The following P2RX1 variants were observed in gnomAD, a reference collection of about 807,000 sequenced individuals.
P2RX1 encodes P2X purinoceptor 1.
A neutral mutation model predicts 50.3 loss-of-function variants in P2RX1; 42 were observed. The ratio of observed to expected loss-of-function variants is 0.83; its 90% CI spans 0.65 to 1.08. P2RX1 has a LOEUF of 1.08. Among genes scored for constraint, P2RX1 ranks in the 50% least tolerant of loss-of-function variants. The pLI is 0.00. For missense variants in P2RX1, 449 were observed against 529.0 expected (o/e 0.85, Z 1.48); for synonymous variants, 199 against 202.6 (o/e 0.98, Z 0.15).
chr17:3,903,124 G>A lies in P2RX1; in HGVS notation c.747+78C>T. ...AGCCCTCACCGAGGAGACTTGGGAA[G>A]ATGAACTGGGCCTAAAAAGCCTTTA... On this transcript the variant is annotated intron_variant, in intron 7 of 11. Transcript: ENST00000225538. The surrounding 1 kb of genome is among the most constrained non-coding windows in gnomAD (Gnocchi z 4.6). 1.9e-6 allele frequency: 3 copies of A among 1,595,156 alleles called. No individual in the cohort carries two copies. The highest frequency in any genetic ancestry group is 2.2e-5 in the South Asian group (2 of 90,170).
At chr17:3,902,770 G>A (rs2056174733) in intron 7 of P2RX1, among the ~76,000 whole-genome samples, 1 of 151,538 alleles carries the variant, frequency 6.6e-6, no homozygotes, top group Non-Finnish European at 1.5e-5. Flanking sequence ...ACCATGCCTG[G>A]CTAATTTTTG....
At chr17:3,904,582 C>G (rs963356005) in intron 3 of P2RX1, 183 bp from the exon 4 acceptor site, 7 of 661,102 alleles carry the variant, frequency 1.1e-5, no homozygotes, top group Non-Finnish European at 1.6e-5. Context: ...AGGCGCCCCC[C>G]GGGCTCATGC....
intron 7 of P2RX1, among the ~76,000 whole-genome samples, chr17:3,900,410 C>A (rs1046802928): frequency 1.3e-5 from 2 of 152,144 alleles, no homozygotes; most frequent in Non-Finnish European, 2.9e-5. Flanking sequence ...GCCGAGATCA[C>A]ACCACTGCAC....
intron 1 of P2RX1, among the ~76,000 whole-genome samples, chr17:3,911,253 G>A (rs1411704827): frequency 6.6e-6 from 1 of 151,924 alleles, no homozygotes; most frequent in Non-Finnish European, 1.5e-5. Flanking sequence ...CTCCCAAAGT[G>A]CTGGGTTTAC....
chr17:3,915,444 C>G, intron 1 of P2RX1: 1 of 456,472 alleles, frequency 2.2e-6, no homozygotes, highest in Non-Finnish European at 4.4e-6. Flanking sequence ...ACTGCAGGAG[C>G]GTCCCACGCT....
At position 3,905,310 on chromosome 17, in the gene P2RX1, G is replaced by T; in HGVS notation, c.195C>A (p.Val65=). 6.2e-7 allele frequency: 1 copy of T among 1,613,996 alleles called. No individual in the cohort carries two copies. Among genetic ancestry groups the T allele is most frequent in the African/African-American group, 1.3e-5 (1 of 75,068 alleles). Residue 65 remains valine (V), a synonymous_variant, in exon 2 of 12, where the codon GTC becomes GTA. Coordinates refer to ENST00000225538, the MANE Select transcript of P2RX1 (RefSeq NM_002558.4). ...YQTSSGLISS[V]SVKLKGLAVT... The stretch of plus-strand genomic sequence containing the variant: ...CGGCCAGGCCCTTGAGTTTCACAGA[G>T]ACACTGCTGATGAGGCCGCTCGAGG...
chr17:3,907,050 A>T (rs1240919726), intron 1 of P2RX1, among the ~76,000 whole-genome samples: 1 of 152,214 alleles, frequency 6.6e-6, no homozygotes, highest in East Asian at 1.9e-4. Context: ...GCCAGGAGAT[A>T]GAGAGGGGCA....
rs921786137 is a variant in P2RX1 at position 3,904,155 on chromosome 17, G to T, written c.428-131C>A. ...AAGGACAGAAACGTGGCTGGGTCCC[G>T]GACGGGCAGGCCAAGCCAGGGCGGA... On this transcript the variant is annotated intron_variant, in intron 4 of 11. Transcript: ENST00000225538. 5 of 1,008,578 alleles carry T rather than the reference G, an allele frequency of 5.0e-6. No individual in the cohort carries two copies. In the African/African-American group the frequency reaches 6.3e-5, roughly 13 times the overall value. 62.5% of individuals were successfully genotyped at this position (1,008,578 alleles called of 1,614,324 possible).
At chr17:3,901,340 T>G (rs544416260) in intron 7 of P2RX1, among the ~76,000 whole-genome samples, 1 of 152,344 alleles carries the variant, frequency 6.6e-6, no homozygotes, top group East Asian at 1.9e-4. Flanking sequence ...GTGCTGGGAT[T>G]ACAGGCGTGA....
In P2RX1 at chr17:3,916,145, C is replaced by T; in HGVS notation, c.81G>A (p.Lys27=). Residue 27 remains lysine, a synonymous_variant, in exon 1 of 12, where the codon AAG becomes AAA. Transcript: ENST00000225538. ...TCAGTCGGAAGATAACGCCCACCTT[C>T]TTATTACGCACCAGCACCATGCGGG... The part of the protein sequence containing the change: ...DTPRMVLVRN[K]KVGVIFRLIQ... The T allele has an allele frequency of 6.2e-7, 1 of 1,613,694 alleles. No homozygotes were observed. The highest frequency in any genetic ancestry group is 8.5e-7 in the Non-Finnish European group (1 of 1,180,030).
rs779969368 is a variant in P2RX1, at chr17:3,905,300, G to T, written c.205C>A (p.Leu69Ile). Reference protein sequence around the residue: ...SGLISSVSVKLKGLAVTQLPG... With the variant: ...SGLISSVSVKIKGLAVTQLPG... ...AGCTGGGTCACGGCCAGGCCCTTGA[G>T]TTTCACAGAGACACTGCTGATGAGG... The change falls in exon 2 of 12, where the codon CTC (leucine) becomes ATC (isoleucine). Residue 69 changes from leucine (L) to isoleucine (I), a missense_variant. Physicochemically the swap from Leu to Ile is conservative, Grantham distance 5. Transcript: ENST00000225538. 16 of 1,613,898 alleles carry T rather than the reference G, an allele frequency of 9.9e-6. No individual in the cohort carries two copies. Among genetic ancestry groups the T allele is most frequent in the Non-Finnish European group, 1.4e-5 (16 of 1,180,046 alleles).
At chr17:3,915,418 C>T (rs1427310308) in intron 1 of P2RX1, 1 of 455,778 alleles carries the variant, frequency 2.2e-6, no homozygotes, top group Non-Finnish European at 4.4e-6. Context: ...CCTGTCTTGG[C>T]TCCCGAGACA....
At chr17:3,913,671 G>A (rs1462302060) in intron 1 of P2RX1, among the ~76,000 whole-genome samples, 6 of 152,190 alleles carry the variant, frequency 3.9e-5, no homozygotes, top group East Asian at 3.9e-4. Context: ...GTGCTCTGGC[G>A]TTTGTCCCTC....
chr17:3,916,045 C>T (rs760391561), intron 1 of P2RX1, 44 bp downstream of exon 1: 18 of 1,611,004 alleles, frequency 1.1e-5, no homozygotes, highest in African/African-American at 9.3e-5. Flanking sequence ...AGGACAGGCC[C>T]GGGGTAGGGG....
intron 4 of P2RX1, 64 bp from the exon 5 acceptor site, chr17:3,904,088 C>T: frequency 7.6e-7 from 1 of 1,319,722 alleles, no homozygotes; most frequent in Non-Finnish European, 1.1e-6. Context: ...CAGACCCCTT[C>T]TCCAGGAGCT....
Position 3,897,431 on chromosome 17 carries a change from A to G in P2RX1, c.*383T>C, listed in dbSNP as rs1217066479. The stretch of plus-strand genomic sequence containing the variant: ...ATTCTATTTTATTTTAGTTTAATTT[A>G]GTCACCTATGGTTACTGACTGCCAC... On this transcript the variant is annotated 3_prime_UTR_variant, in exon 12 of 12. Transcript: ENST00000225538. 3.1e-6 allele frequency: 1 copy of G among 319,142 alleles called. No homozygotes were observed. The highest frequency in any genetic ancestry group is 6.0e-6 in the Non-Finnish European group (1 of 165,624). The allele number at this position is 319,142 out of a possible 1,614,324, so 19.8% of individuals were successfully genotyped here.
intron 1 of P2RX1, among the ~76,000 whole-genome samples, chr17:3,907,246 GGC>G (rs1162329855): frequency 1.3e-5 from 2 of 151,546 alleles, no homozygotes; most frequent in Non-Finnish European, 2.9e-5. Context: ...TCCAGGCTGT[GGC>G]CCCTTCCTCG....
In P2RX1 at chr17:3,896,964, G is replaced by C. The variant is rs1244597994; in HGVS notation, c.*850C>G. The C allele has an allele frequency of 1.3e-5, 2 of 152,670 alleles. No homozygotes were observed. 9.5% of individuals were successfully genotyped at this position (152,670 alleles called of 1,614,324 possible). A position where few individuals can be genotyped will look rare whatever the true frequency, so the allele number is the denominator to read the frequency against. On this transcript the variant is annotated 3_prime_UTR_variant, in exon 12 of 12. Coordinates refer to ENST00000225538, the MANE Select transcript of P2RX1 (RefSeq NM_002558.4). ...CACTGGGTTGTGTGCATGAGACACT[G>C]TGTGGCACGTGAGCACACAACACAC... is the stretch of plus-strand genomic sequence containing the variant.
intron 7 of P2RX1, among the ~76,000 whole-genome samples, chr17:3,900,257 AG>A (rs1298820466): frequency 1.3e-5 from 2 of 152,260 alleles, no homozygotes; most frequent in East Asian, 3.9e-4. Flanking sequence ...GTTCGAGACC[AG>A]CCAGACCAAC....
Sources: allele counts gnomAD v4.1 joint callset (sites outside exome capture counted in the v4.1 genomes callset), GRCh38; gene constraint gnomAD v4.1.1; non-coding constraint Gnocchi (gnomAD v3.1); transcripts MANE v1.5; gene names NCBI Gene and HGNC (gene_info 2026-07-23, HGNC 2026-07-21).